QARS1: variants seen among roughly 807,000 people sequenced by gnomAD.
QARS1 encodes glutaminyl-tRNA synthetase 1.
A neutral mutation model predicts 106.9 loss-of-function variants in QARS1; 79 were observed. That is an observed-to-expected ratio of 0.74 (90% CI 0.62 to 0.89). The LOEUF (loss-of-function observed/expected upper bound fraction) is 0.89, where lower values mean the gene tolerates loss of function less well. QARS1 is among the 40% of genes least tolerant of loss of function. The pLI, the probability that QARS1 is intolerant of heterozygous loss-of-function variation, is 0.00. For missense variants in QARS1, 966 were observed against 997.2 expected (o/e 0.97, Z 0.42); for synonymous variants, 395 against 367.7 (o/e 1.07, Z -0.85).
chr3:49,102,445 C>T lies in QARS1; in HGVS notation c.544G>A (p.Glu182Lys). The change falls in exon 6 of 24, where the codon GAG (glutamate) becomes AAG (lysine). Residue 182 changes from glutamate to lysine, a missense_variant. Glu to Lys is a moderately conservative substitution (Grantham distance 56, BLOSUM62 1). Coordinates refer to ENST00000306125, the MANE Select transcript of QARS1 (RefSeq NM_005051.3). Reference protein sequence around the residue: ...QVLHLLGPKLEADLEKKFKVA... With the variant: ...QVLHLLGPKLKADLEKKFKVA... ...TTGAACTTCTTCTCCAGATCAGCCT[C>T]CAACTTGGGGCCCAGAAGGTGGAGG... 6.2e-7 allele frequency: 1 copy of T among 1,614,198 alleles called. No individual in the cohort carries two copies. The highest frequency in any genetic ancestry group is 8.5e-7 in the Non-Finnish European group (1 of 1,180,040).
At position 49,102,686 on chromosome 3, in the gene QARS1, G is replaced by A. The variant is rs535245518; in HGVS notation, c.517-214C>T. The A allele has an allele frequency of 3.2e-3, 2,029 of 628,752 alleles. 60 individuals are homozygous for A. The highest frequency in any genetic ancestry group is 0.032 in the South Asian group (1,961 of 61,196). 38.9% of individuals were successfully genotyped at this position (628,752 alleles called of 1,614,324 possible). On this transcript the variant is annotated intron_variant, in intron 5 of 23. Coordinates refer to ENST00000306125, the MANE Select transcript of QARS1 (RefSeq NM_005051.3). Reference sequence around the variant, plus strand: ...ACTGGAGTCTTGCTCATGTTGCCCAGGCTGGAATGCAATGGCACAGTCTCC... The same window carrying A: ...ACTGGAGTCTTGCTCATGTTGCCCAAGCTGGAATGCAATGGCACAGTCTCC...
At chr3:49,096,157 C>T in intron 23 of QARS1, 78 bp from the exon 24 acceptor site, 2 of 1,460,570 alleles carry the variant, frequency 1.4e-6, no homozygotes, top group South Asian at 2.4e-5. Flanking sequence ...ACCACAGACA[C>T]CTCCCCCTAA....
At chr3:49,102,493 G>A in intron 5 of QARS1, 21 bp from the exon 6 acceptor site, 1 of 1,613,948 alleles carries the variant, frequency 6.2e-7, no homozygotes, top group South Asian at 1.1e-5. Flanking sequence ...ACCAGAATCA[G>A]GCAGAGGCAG....
chr3:49,100,282 A>G lies in QARS1; in HGVS notation c.1072T>C (p.Cys358Arg). Residue 358 changes from cysteine to arginine, a missense_variant, in exon 13 of 24, where the codon TGC becomes CGC. Transcript: ENST00000306125. ...ELIRRGLAYV[C>R]HQRGEELKGH... ...TTGAGCTCCTCTCCTCGCTGGTGGC[A>G]CACATAAGCCAGACCCCTGTGGGGA... 1 of 1,614,248 alleles carries G rather than the reference A, an allele frequency of 6.2e-7. No homozygotes were observed. Among genetic ancestry groups the G allele is most frequent in the Non-Finnish European group, 8.5e-7 (1 of 1,180,044 alleles).
At position 49,101,338 on chromosome 3, in the gene QARS1, C is replaced by G; in HGVS notation, c.876+17G>C. On this transcript the variant is annotated intron_variant, in intron 10 of 23. Coordinates refer to ENST00000306125, the MANE Select transcript of QARS1 (RefSeq NM_005051.3). ...AAGTGGTCATCTTGCTTGCCAGGTC[C>G]CTAGACACATGCTTACCTTGGCATA... is the stretch of plus-strand genomic sequence containing the variant. 1 of 1,589,108 alleles carries G rather than the reference C, an allele frequency of 6.3e-7. No homozygotes were observed. The highest frequency in any genetic ancestry group is 8.6e-7 in the Non-Finnish European group (1 of 1,158,560).
chr3:49,104,121 A>G (rs762689082), intron 2 of QARS1, 149 bp from the exon 3 acceptor site: 3 of 1,117,794 alleles, frequency 2.7e-6, no homozygotes, highest in Non-Finnish European at 4.0e-6. Flanking sequence ...GGGAAGAAAG[A>G]AGCACGTGTC....
rs527504481 is a variant in QARS1, at chr3:49,098,233, G to T, written c.2110C>A (p.Pro704Thr). 6.2e-6 allele frequency: 10 copies of T among 1,614,148 alleles called. No individual in the cohort carries two copies. The highest frequency in any genetic ancestry group is 8.5e-6 in the Non-Finnish European group (10 of 1,180,022). ...AAAAATCCACCAGGCACCTCAGTAG[G>T]ATCTTCAGGGTTCTTGTGCTGGAAT... ...RLFQHKNPED[P>T]TEVPGGFLSD... Residue 704 changes from proline to threonine, a missense_variant, in exon 22 of 24, where the codon CCT (proline) becomes ACT (threonine). Transcript: ENST00000306125.
At position 49,103,664 on chromosome 3, in the gene QARS1, C is replaced by G. The variant is rs896454620; in HGVS notation, c.418G>C (p.Glu140Gln). 9.9e-6 allele frequency: 16 copies of G among 1,613,724 alleles called. No individual in the cohort carries two copies. In the Admixed American group the frequency reaches 1.5e-4, roughly 15 times the overall value. ...AGCCCCATGTTGAAATGGTAACGTT[C>G]CACCAGGAGCTGGGGCCGGTGCCTG... is the stretch of plus-strand genomic sequence containing the variant. ...INRHRPQLLV[E>Q]RYHFNMGLLM... The change falls in exon 4 of 24, where the codon GAA becomes CAA. Residue 140 changes from glutamate to glutamine, a missense_variant. Glu to Gln is a conservative substitution (Grantham distance 29). Coordinates refer to ENST00000306125, the MANE Select transcript of QARS1 (RefSeq NM_005051.3).
Position 49,101,817 on chromosome 3 carries a change from T to C in QARS1, c.703+11A>G. 3 of 1,611,032 alleles carry C rather than the reference T, an allele frequency of 1.9e-6. No individual in the cohort carries two copies. The highest frequency in any genetic ancestry group is 2.5e-6 in the Non-Finnish European group (3 of 1,178,352). On this transcript the variant is annotated intron_variant, in intron 8 of 23. Coordinates refer to ENST00000306125, the MANE Select transcript of QARS1 (RefSeq NM_005051.3). ...TCCAGCCCTCCCCAGGGTTTTGACA[T>C]GCCCACTAACCAGGCTTGTGGAACT...
Position 49,098,255 on chromosome 3 carries a change from G to C in QARS1, c.2088C>G (p.Phe696Leu). Residue 696 changes from phenylalanine to leucine, a missense_variant, in exon 22 of 24, where the codon TTC (phenylalanine) becomes TTG (leucine). Coordinates refer to ENST00000306125, the MANE Select transcript of QARS1 (RefSeq NM_005051.3). ...MCEVRLYERL[F>L]QHKNPEDPTE... Reference sequence around the variant, plus strand: ...TAGGATCTTCAGGGTTCTTGTGCTGGAATCTGCAGCCAAAGTGAAGGTCAT... The same window carrying C: ...TAGGATCTTCAGGGTTCTTGTGCTGCAATCTGCAGCCAAAGTGAAGGTCAT... 6.2e-7 allele frequency: 1 copy of C among 1,614,160 alleles called. No individual in the cohort carries two copies. Among genetic ancestry groups the C allele is most frequent in the Non-Finnish European group, 8.5e-7 (1 of 1,180,034 alleles).
In QARS1 at chr3:49,102,507, T is replaced by C. The variant is rs775661817; in HGVS notation, c.517-35A>G. On this transcript the variant is annotated intron_variant, in intron 5 of 23. Coordinates refer to ENST00000306125, the MANE Select transcript of QARS1 (RefSeq NM_005051.3). ...GACCAGAATCAGGCAGAGGCAGGAG[T>C]ATCCTCTTTCAAGGAGCCCCTGACT... 7 of 1,612,014 alleles carry C rather than the reference T, an allele frequency of 4.3e-6. No individual in the cohort carries two copies. In the Admixed American group the frequency reaches 5.0e-5, roughly 12 times the overall value.
At chr3:49,101,750 C>T (rs756457141) in intron 8 of QARS1, 45 bp from the exon 9 acceptor site, 2 of 1,612,292 alleles carry the variant, frequency 1.2e-6, no homozygotes, top group Non-Finnish European at 1.7e-6. Context: ...GCAGCCAAAG[C>T]CTCTGACCCC....
At chr3:49,101,787 C>T in intron 8 of QARS1, 41 bp downstream of exon 8, 1 of 1,608,376 alleles carries the variant, frequency 6.2e-7, no homozygotes, top group Non-Finnish European at 8.5e-7. Context: ...GAGCTGCTGC[C>T]AAGATCCAGC....
intron 23 of QARS1, among the ~76,000 whole-genome samples, chr3:49,096,778 C>A (rs1383309527): frequency 9.3e-6 from 1 of 107,932 alleles, no homozygotes; most frequent in Non-Finnish European, 1.7e-5. Context: ...CCAGCCTGGG[C>A]GACATGTGAG....
chr3:49,104,077 G>T, intron 2 of QARS1, 105 bp from the exon 3 acceptor site: 2 of 1,220,550 alleles, frequency 1.6e-6, no homozygotes, highest in Non-Finnish European at 2.4e-6. Flanking sequence ...CTCCTGAAAA[G>T]TTAAGCCCTG....
rs1363549666 is a variant in QARS1, at chr3:49,099,384, C to T, written c.1574G>A (p.Arg525Gln). The T allele has an allele frequency of 8.1e-6, 13 of 1,614,046 alleles. No homozygotes were observed. Among genetic ancestry groups the T allele is most frequent in the African/African-American group, 4.0e-5 (3 of 74,920 alleles). The change falls in exon 17 of 24, where the codon CGG (arginine) becomes CAG (glutamine). Residue 525 changes from arginine to glutamine, a missense_variant. Physicochemically the swap from Arg to Gln is conservative, Grantham distance 43. Transcript: ENST00000306125. The stretch of plus-strand genomic sequence containing the variant: ...GTTGATGGCCTCAGGTGGGAAGCCC[C>T]GCCGTCGCAGGGCCGTGAGTGTAAA... The part of the protein sequence containing the change: ...RLFTLTALRR[R>Q]GFPPEAINNF...
chr3:49,099,256 G>A lies in QARS1; in HGVS notation c.1615-3C>T, dbSNP rs1366832864. The A allele has an allele frequency of 6.2e-7, 1 of 1,614,142 alleles. No homozygotes were observed. Among genetic ancestry groups the A allele is most frequent in the Non-Finnish European group, 8.5e-7 (1 of 1,180,012 alleles). ...GTTTGTGCCACAGTCACTCCCACCT[G>A]GCAGGAAAGTTCAGCATCAGTCACA... is the stretch of plus-strand genomic sequence containing the variant. On this transcript the variant is annotated splice_region_variant and splice_polypyrimidine_tract_variant and intron_variant, in intron 17 of 23. Transcript: ENST00000306125.
rs371204910 is a variant in QARS1, at chr3:49,102,228, G to A, written c.608C>T (p.Thr203Met). The A allele has an allele frequency of 3.7e-6, 6 of 1,614,074 alleles. No individual in the cohort carries two copies. The highest frequency in any genetic ancestry group is 4.5e-5 in the East Asian group (2 of 44,898). ...ACCATTCTCCACCACATCCTTTGCCGTCCTCCGGTCTGTTTCTTCTAGCCG... is the reference window on the plus strand; with the variant it reads ...ACCATTCTCCACCACATCCTTTGCCATCCTCCGGTCTGTTTCTTCTAGCCG... ...KARLEETDRR[T>M]AKDVVENGET... Residue 203 changes from threonine to methionine, a missense_variant, in exon 7 of 24, where the codon ACG becomes ATG. Transcript: ENST00000306125.
rs746153912 is a variant in QARS1 at position 49,099,519 on chromosome 3, C to G, written c.1517G>C (p.Gly506Ala). 6.2e-7 allele frequency: 1 copy of G among 1,614,190 alleles called. No homozygotes were observed. The highest frequency in any genetic ancestry group is 8.5e-7 in the Non-Finnish European group (1 of 1,180,028). ...AAACAGCCGCACCTACCGCACAGCA[C>G]CAGTTGCTACAAGCTGGAGGATCTT... ...KRKILQLVATGAVRDWDDPRL... is the reference protein window; with the variant it reads ...KRKILQLVATAAVRDWDDPRL... The change falls in exon 16 of 24, where the codon GGT becomes GCT. Residue 506 changes from glycine to alanine, a missense_variant. By Grantham distance (60) the Gly-to-Ala change is moderately conservative. Coordinates refer to ENST00000306125, the MANE Select transcript of QARS1 (RefSeq NM_005051.3).
Sources: allele counts gnomAD v4.1 joint callset (sites outside exome capture counted in the v4.1 genomes callset), GRCh38; gene constraint gnomAD v4.1.1; transcripts MANE v1.5; gene names NCBI Gene and HGNC (gene_info 2026-07-23, HGNC 2026-07-21).